The following GRID2 variants were observed in gnomAD, a reference collection of about 807,000 sequenced individuals.
The protein encoded by GRID2 is glutamate receptor ionotropic, delta-2.
In GRID2, 33 loss-of-function variants were observed where a neutral mutation model predicts 114.8. The ratio of observed to expected loss-of-function variants is 0.29; its 90% CI spans 0.22 to 0.38. The LOEUF is 0.38. GRID2 is among the 10% of genes least tolerant of loss of function. The pLI is 1.00. For synonymous variants in GRID2, 505 were observed against 449.9 expected, an observed-to-expected ratio of 1.12 and a Z score of -1.55; for missense variants, 1,184 against 1,257.7, an observed-to-expected ratio of 0.94 and a Z score of 0.89.
At chr4:93,321,225 G>A (rs1757177108) in intron 8 of GRID2, among the ~76,000 whole-genome samples, 1 of 151,954 alleles carries the variant, frequency 6.6e-6, no homozygotes, top group African/African-American at 2.4e-5. Flanking sequence ...AGAAGGGGTG[G>A]TCAGGACTGC....
intron 2 of GRID2, among the ~76,000 whole-genome samples, chr4:92,928,887 T>G (rs539941237): frequency 1.3e-5 from 2 of 151,538 alleles, no homozygotes; most frequent in Non-Finnish European, 3.0e-5. Context: ...AGAACCATCT[T>G]TGGCAACATA....
chr4:93,094,403 C>G (rs1049139710), intron 3 of GRID2, among the ~76,000 whole-genome samples: 1 of 151,784 alleles, frequency 6.6e-6, no homozygotes, highest in Non-Finnish European at 1.5e-5. Context: ...AGCTAAGAGA[C>G]TAAAAAAAAG....
intron 14 of GRID2, among the ~76,000 whole-genome samples, chr4:93,675,053 T>G (rs114306413): frequency 0.031 from 4,662 of 152,244 alleles, 110 homozygotes; most frequent in African/African-American, 0.062. Flanking sequence ...CAACCAAAAA[T>G]GGTCCTATAT....
At chr4:92,408,325 A>G (rs1315287703) in intron 1 of GRID2, among the ~76,000 whole-genome samples, 1 of 149,996 alleles carries the variant, frequency 6.7e-6, no homozygotes, top group Non-Finnish European at 1.5e-5. Flanking sequence ...ATACCATACC[A>G]TGCTGTTATG....
intron 2 of GRID2, among the ~76,000 whole-genome samples, chr4:92,683,581 A>G (rs190588316): frequency 2.4e-4 from 37 of 152,204 alleles, no homozygotes; most frequent in Admixed American, 2.1e-3. Context: ...TGAAGAAAAT[A>G]TACTTACATT....
intron 2 of GRID2, among the ~76,000 whole-genome samples, chr4:92,692,889 G>T (rs1226425299): frequency 1.3e-5 from 2 of 151,932 alleles, no homozygotes; most frequent in Non-Finnish European, 2.9e-5. Flanking sequence ...CAGGCATGGT[G>T]GTGCATGCCT....
At chr4:93,182,498 C>T (rs1225836897) in intron 4 of GRID2, among the ~76,000 whole-genome samples, 2 of 152,120 alleles carry the variant, frequency 1.3e-5, no homozygotes, top group Non-Finnish European at 2.9e-5. Context: ...GTCATATAGG[C>T]AACTCCTAAT....
At chr4:93,307,902 A>G (rs143192878) in intron 8 of GRID2, among the ~76,000 whole-genome samples, 345 of 151,560 alleles carry the variant, frequency 2.3e-3, no homozygotes, top group Non-Finnish European at 3.3e-3. Flanking sequence ...TAGTTTTACA[A>G]ACACAAATAC....
intron 13 of GRID2, among the ~76,000 whole-genome samples, chr4:93,526,289 A>G (rs965780614): frequency 1.3e-5 from 2 of 152,114 alleles, no homozygotes; most frequent in Non-Finnish European, 2.9e-5. Context: ...CTTCCCCTTC[A>G]CCTTCCACCA....
chr4:93,334,261 C>A (rs1291404548), intron 8 of GRID2, among the ~76,000 whole-genome samples: 1 of 152,190 alleles, frequency 6.6e-6, no homozygotes, highest in South Asian at 2.1e-4. Flanking sequence ...CCACAGCATG[C>A]AAATTATTAA....
chr4:92,946,085 G>T (rs999897172), intron 2 of GRID2, among the ~76,000 whole-genome samples: 10 of 152,138 alleles, frequency 6.6e-5, no homozygotes, highest in African/African-American at 2.4e-4. Context: ...CTCATATGAG[G>T]AGAAAATTTA....
chr4:92,881,702 T>A (rs1037914903), intron 2 of GRID2, among the ~76,000 whole-genome samples: 2 of 152,154 alleles, frequency 1.3e-5, no homozygotes. Context: ...AAAACATTAC[T>A]TTTTAGGTAT....
intron 4 of GRID2, among the ~76,000 whole-genome samples, chr4:93,175,907 A>G (rs1410716925): frequency 6.6e-6 from 1 of 152,204 alleles, no homozygotes; most frequent in Non-Finnish European, 1.5e-5. Flanking sequence ...ATAGATTTTC[A>G]GGGCAACACT....
At chr4:92,484,917 ATTACATGGAAATATGTAATAT>A (rs1722791298) in intron 1 of GRID2, among the ~76,000 whole-genome samples, 1 of 152,042 alleles carries the variant, frequency 6.6e-6, no homozygotes, top group Non-Finnish European at 1.5e-5. Context: ...TTTCCTTCAT[ATTACATGGAAATATGTAATAT>A]GGAGGATTAC....
intron 8 of GRID2, among the ~76,000 whole-genome samples, chr4:93,284,845 G>A (rs913968338): frequency 6.6e-6 from 1 of 151,846 alleles, no homozygotes; most frequent in Non-Finnish European, 1.5e-5. Context: ...GCGAGACTTG[G>A]TTCCTTCAAA....
Position 92,656,972 on chromosome 4 carries a change from A to AT in GRID2, c.244+66695dup, listed in dbSNP as rs201499852. 3.4e-3 allele frequency among the ~76,000 whole-genome samples: 507 copies of AT among 150,932 alleles called. 2 individuals carry two copies. The highest frequency in any genetic ancestry group is 0.011 in the African/African-American group (446 of 41,246). On this transcript the variant is annotated intron_variant, in intron 2 of 15. Coordinates refer to ENST00000282020, the MANE Select transcript of GRID2 (RefSeq NM_001510.4). Reference sequence around the variant, plus strand: ...AAACAGAAGTGCCCATATTGCATTTATTTTTTTTTCTATAAACCATTGGTT... The same window carrying AT: ...AAACAGAAGTGCCCATATTGCATTTATTTTTTTTTTCTATAAACCATTGGTT...
At chr4:92,328,942 A>G (rs1312916436) in intron 1 of GRID2, among the ~76,000 whole-genome samples, 2 of 151,860 alleles carry the variant, frequency 1.3e-5, no homozygotes, top group African/African-American at 4.9e-5. Flanking sequence ...AGAAAAGAGA[A>G]GATTGGACTT....
intron 1 of GRID2, among the ~76,000 whole-genome samples, chr4:93,787,529 C>G (rs1407814120): frequency 1.3e-5 from 2 of 152,142 alleles, no homozygotes; most frequent in Admixed American, 6.5e-5. Context: ...ATCCTTTCCC[C>G]TAACATCCCC....
intron 2 of GRID2, among the ~76,000 whole-genome samples, chr4:92,633,355 C>T (rs1007388028): frequency 1.3e-5 from 2 of 152,088 alleles, no homozygotes; most frequent in Non-Finnish European, 2.9e-5. Context: ...ATTAGACTGC[C>T]TCTAAAAGAG....
Sources: gnomAD v4.1 joint callset for allele counts (sites outside exome capture counted in the v4.1 genomes callset) on GRCh38, gnomAD v4.1.1 for gene constraint, MANE v1.5 for transcripts, NCBI Gene and HGNC (gene_info 2026-07-23, HGNC 2026-07-21) for gene names.